The following DHRSX variants were observed in gnomAD, a reference collection of about 807,000 sequenced individuals.
The protein encoded by DHRSX is dehydrogenase/reductase X-linked.
DHRSX carries 31 observed loss-of-function variants against 34.0 expected under a neutral mutation model. The observed-to-expected ratio is 0.91, with a 90% CI of 0.69 to 1.23. The LOEUF (loss-of-function observed/expected upper bound fraction) is 1.23. Among genes scored for constraint, DHRSX ranks in the 50% most tolerant of loss-of-function variants. DHRSX has a pLI of 0.00. For missense variants in DHRSX, 414 were observed against 428.1 expected, an observed-to-expected ratio of 0.97 and a Z score of 0.29; for synonymous variants, 201 against 183.8, an observed-to-expected ratio of 1.09 and a Z score of -0.76.
intron 3 of DHRSX, among the ~76,000 whole-genome samples, chrX:2,367,346 G>A (rs2043006004): frequency 6.6e-6 from 1 of 151,394 alleles, no homozygotes; most frequent in Admixed American, 6.6e-5. Flanking sequence ...GCTGAGGCAA[G>A]AGAATCGCTT....
chrX:2,282,820 GAGGGA>G (rs1569483531), intron 4 of DHRSX, among the ~76,000 whole-genome samples: 8 of 133,512 alleles, frequency 6.0e-5, no homozygotes, highest in Non-Finnish European at 1.1e-4. Context: ...GAAAGAGAGA[GAGGGA>G]GAGAGAGGGA....
rs1345819788 is a variant in DHRSX, at chrX:2,243,847, C to CA, written c.597-618dup. Among the ~76,000 whole-genome samples the CA allele has an allele frequency of 2.2e-5, 3 of 133,520 alleles. No homozygotes were observed. The Admixed American group carries it at 2.4e-4, about 11-fold the overall frequency. 87.6% of individuals were successfully genotyped at this position (133,520 alleles called of 152,430 possible). A position where few individuals can be genotyped will look rare whatever the true frequency, so the allele number is the denominator to read the frequency against. On this transcript the variant is annotated intron_variant, in intron 5 of 6. Coordinates refer to ENST00000334651, the MANE Select transcript of DHRSX (RefSeq NM_145177.3). ...TGAGACAGATTCTCACTCTGTCACCCAGGCTGCAGCCTCCCGGGTTCAAGC... is the reference window on the plus strand; with the variant it reads ...TGAGACAGATTCTCACTCTGTCACCCAAGGCTGCAGCCTCCCGGGTTCAAGC...
intron 3 of DHRSX, among the ~76,000 whole-genome samples, chrX:2,314,485 G>GA (rs2042217535): frequency 7.9e-6 from 1 of 126,412 alleles, no homozygotes; most frequent in African/African-American, 3.6e-5. Flanking sequence ...AAGGAAGGAA[G>GA]GAAGGGAGGT....
chrX:2,260,880 A>C (rs2041354889), intron 5 of DHRSX, among the ~76,000 whole-genome samples: 1 of 151,892 alleles, frequency 6.6e-6, no homozygotes, highest in African/African-American at 2.4e-5. Context: ...AATTATACAT[A>C]TTTGGAGTTA....
chrX:2,304,678 T>A (rs529229444), intron 3 of DHRSX, among the ~76,000 whole-genome samples: 14 of 152,234 alleles, frequency 9.2e-5, no homozygotes, highest in African/African-American at 3.1e-4. Context: ...CTTTCCACTA[T>A]GATTATGCAT....
At chrX:2,236,271 C>T (rs1258392320) in intron 6 of DHRSX, among the ~76,000 whole-genome samples, 5 of 152,044 alleles carry the variant, frequency 3.3e-5, no homozygotes, top group Non-Finnish European at 5.9e-5. Flanking sequence ...AGGAGAAGCC[C>T]TGTCTTCGGA....
chrX:2,309,585 T>C (rs931045646), intron 3 of DHRSX, among the ~76,000 whole-genome samples: 5 of 152,154 alleles, frequency 3.3e-5, no homozygotes, highest in Non-Finnish European at 7.4e-5. Flanking sequence ...AAATCAGATC[T>C]TAGTCAACCT....
intron 1 of DHRSX, among the ~76,000 whole-genome samples, chrX:2,454,925 C>T (rs980244026): frequency 1.3e-5 from 2 of 151,908 alleles, no homozygotes; most frequent in Non-Finnish European, 2.9e-5. Flanking sequence ...CCAGCCTGTC[C>T]AACATGGAGA....
intron 5 of DHRSX, among the ~76,000 whole-genome samples, chrX:2,260,769 C>T (rs1258648247): frequency 4.6e-5 from 7 of 152,136 alleles, no homozygotes; most frequent in South Asian, 2.1e-4. Context: ...GTATTTTCTA[C>T]TTCTTGTAAG....
chrX:2,267,233 G>A (rs1361143320), intron 4 of DHRSX, among the ~76,000 whole-genome samples: 2 of 152,198 alleles, frequency 1.3e-5, no homozygotes, highest in Non-Finnish European at 2.9e-5. Flanking sequence ...TGTCATCCCA[G>A]CACTTTGGGA....
At chrX:2,234,779 C>T (rs2015975520) in intron 6 of DHRSX, among the ~76,000 whole-genome samples, 1 of 152,296 alleles carries the variant, frequency 6.6e-6, no homozygotes, top group Non-Finnish European at 1.5e-5. Flanking sequence ...GGCACGATCC[C>T]GGCTTACTGC....
chrX:2,352,896 C>A lies in DHRSX; in HGVS notation c.286+55849G>T, dbSNP rs191705368. 4.3e-3 allele frequency among the ~76,000 whole-genome samples: 662 copies of A among 152,248 alleles called. 5 individuals carry two copies. The highest frequency in any genetic ancestry group is 0.015 in the African/African-American group (633 of 41,554). ...ACAAAACTTCAATTCTCCTTAAAAT[C>A]TACAAGAGTCCATCTGAACCACCAA... On this transcript the variant is annotated intron_variant, in intron 3 of 6. Coordinates refer to ENST00000334651, the MANE Select transcript of DHRSX (RefSeq NM_145177.3).
intron 1 of DHRSX, among the ~76,000 whole-genome samples, chrX:2,471,496 G>A (rs894266515): frequency 9.2e-5 from 14 of 151,654 alleles, no homozygotes; most frequent in African/African-American, 1.9e-4. Context: ...CCCGGGAGAT[G>A]TTGGCTGCAG....
At chrX:2,295,915 TC>T (rs1427278222) in intron 3 of DHRSX, among the ~76,000 whole-genome samples, 2 of 152,100 alleles carry the variant, frequency 1.3e-5, no homozygotes, top group African/African-American at 4.8e-5. Flanking sequence ...GTTCCCTTCC[TC>T]CCATACGTAG....
intron 3 of DHRSX, among the ~76,000 whole-genome samples, chrX:2,317,547 C>A (rs1012839625): frequency 1.3e-5 from 2 of 151,590 alleles, no homozygotes; most frequent in African/African-American, 2.4e-5. Flanking sequence ...CCACTGCGTG[C>A]GGCCCTGTGC....
intron 3 of DHRSX, among the ~76,000 whole-genome samples, chrX:2,395,467 C>G (rs2043397789): frequency 6.6e-6 from 1 of 152,146 alleles, no homozygotes; most frequent in African/African-American, 2.4e-5. Context: ...CCTGGCAGAC[C>G]TCCCTTTTTC....
intron 5 of DHRSX, among the ~76,000 whole-genome samples, chrX:2,263,135 C>T (rs1348286855): frequency 6.6e-6 from 1 of 152,328 alleles, no homozygotes; most frequent in Admixed American, 6.5e-5. Flanking sequence ...GTGGCATTAA[C>T]GCTTTGTGAT....
At chrX:2,226,760 A>C (rs2015672429) in intron 6 of DHRSX, among the ~76,000 whole-genome samples, 1 of 151,578 alleles carries the variant, frequency 6.6e-6, no homozygotes, top group Admixed American at 6.6e-5. Flanking sequence ...GCGCCACTGC[A>C]CTCCAGCCTG....
chrX:2,259,012 C>T (rs1322088545), intron 5 of DHRSX, among the ~76,000 whole-genome samples: 2 of 152,140 alleles, frequency 1.3e-5, no homozygotes, highest in African/African-American at 4.8e-5. Flanking sequence ...CAGTGGCTCA[C>T]GCCTGTAATC....
Sources: gnomAD v4.1 joint callset for allele counts (sites outside exome capture counted in the v4.1 genomes callset) on GRCh38, gnomAD v4.1.1 for gene constraint, MANE v1.5 for transcripts, NCBI Gene and HGNC (gene_info 2026-07-23, HGNC 2026-07-21) for gene names.